Variants in RPS6KC1 observed in about 807,000 individuals in gnomAD.
The protein encoded by RPS6KC1 is inactive ribosomal protein S6 kinase delta-1.
Under a neutral mutation model 103.8 loss-of-function variants are expected in RPS6KC1, and 54 were observed. That is an observed-to-expected ratio of 0.52 (90% confidence interval 0.42 to 0.65). The LOEUF is 0.65. Among genes scored for constraint, RPS6KC1 ranks in the 30% least tolerant of loss-of-function variants. The probability of loss-of-function intolerance (pLI) is 0.00; values close to 1 mark genes in which losing one functional copy is unlikely to be tolerated. For synonymous variants in RPS6KC1, 439 were observed against 438.7 expected (o/e 1.00, Z -0.01); for missense variants, 1,151 against 1,253.8 (o/e 0.92, Z 1.24).
intron 4 of RPS6KC1, among the ~76,000 whole-genome samples, chr1:213,105,216 GTT>G (rs79795539): frequency 0.053 from 6,975 of 131,144 alleles, 175 homozygotes; most frequent in Middle Eastern, 0.078. Flanking sequence ...TTCATTTTAA[GTT>G]TTTTTTTTTT....
the RPS6KC1 span, among the ~76,000 whole-genome samples, chr1:213,450,774 G>A: frequency 4.6e-5 from 7 of 152,116 alleles, no homozygotes; most frequent in East Asian, 1.9e-4. Context: ...TCAGGAGTTC[G>A]AGACCAGCCT....
At chr1:213,584,007 C>T in the RPS6KC1 span, among the ~76,000 whole-genome samples, 1 of 152,048 alleles carries the variant, frequency 6.6e-6, no homozygotes. Context: ...ATAATTCCCA[C>T]GTGCTGTGGA....
the RPS6KC1 span, among the ~76,000 whole-genome samples, chr1:213,637,507 T>G: frequency 3.9e-5 from 6 of 152,142 alleles, no homozygotes; most frequent in Non-Finnish European, 7.3e-5. Context: ...ATGGCACATG[T>G]ATACCTATGT....
chr1:213,812,145 TAAG>T, the RPS6KC1 span, among the ~76,000 whole-genome samples: 1 of 149,472 alleles, frequency 6.7e-6, no homozygotes, highest in African/African-American at 2.5e-5. Flanking sequence ...CTCAAGAAAT[TAAG>T]AAAAAAGGAA....
chr1:213,533,299 G>T, the RPS6KC1 span, among the ~76,000 whole-genome samples: 1 of 152,140 alleles, frequency 6.6e-6, no homozygotes, highest in Non-Finnish European at 1.5e-5. Context: ...AGAGGGAGGA[G>T]CAAAAGAAGA....
chr1:213,846,012 G>A, the RPS6KC1 span, among the ~76,000 whole-genome samples: 583 of 151,902 alleles, frequency 3.8e-3, no homozygotes, highest in African/African-American at 0.013. Flanking sequence ...AAAAGGGCAG[G>A]CCGGGCGGGG....
the RPS6KC1 span, among the ~76,000 whole-genome samples, chr1:213,586,705 C>T: frequency 2.0e-5 from 3 of 152,176 alleles, no homozygotes; most frequent in African/African-American, 7.2e-5. Context: ...CCCCTCCCAC[C>T]TCCTTTGGCC....
the RPS6KC1 span, among the ~76,000 whole-genome samples, chr1:213,388,365 C>T: frequency 1.1e-4 from 17 of 152,184 alleles, no homozygotes; most frequent in Admixed American, 8.5e-4. Context: ...GGGCTGCTAC[C>T]GCTTGAGGTG....
chr1:213,304,155 G>A, the RPS6KC1 span, among the ~76,000 whole-genome samples: 2 of 139,970 alleles, frequency 1.4e-5, no homozygotes, highest in Non-Finnish European at 3.0e-5. Flanking sequence ...GCAGTGAGCC[G>A]AGATCCCGCC....
At chr1:213,427,927 T>C in the RPS6KC1 span, among the ~76,000 whole-genome samples, 1 of 152,208 alleles carries the variant, frequency 6.6e-6, no homozygotes, top group South Asian at 2.1e-4. Flanking sequence ...TCCAACAACA[T>C]CCAGGGACTG....
chr1:213,602,537 G>A, the RPS6KC1 span, among the ~76,000 whole-genome samples: 373 of 152,046 alleles, frequency 2.5e-3, 1 homozygote, highest in Non-Finnish European at 4.6e-3. Context: ...CCGGCCTGGT[G>A]TTTCTAACAT....
chr1:213,392,842 T>A, the RPS6KC1 span, among the ~76,000 whole-genome samples: 1 of 152,228 alleles, frequency 6.6e-6, no homozygotes. Context: ...ATTTAACTGA[T>A]ATTTATTTGG....
the RPS6KC1 span, among the ~76,000 whole-genome samples, chr1:213,740,697 T>C: frequency 6.7e-6 from 1 of 150,106 alleles, no homozygotes; most frequent in Non-Finnish European, 1.5e-5. Context: ...TATGTACACA[T>C]ATATACATCT....
chr1:213,588,190 C>T, the RPS6KC1 span, among the ~76,000 whole-genome samples: 7 of 152,116 alleles, frequency 4.6e-5, no homozygotes, highest in Admixed American at 4.6e-4. Context: ...ATCCTGCTAC[C>T]TCAACCTCCT....
chr1:213,137,696 CTGTTT>C (rs1309834507), intron 6 of RPS6KC1, among the ~76,000 whole-genome samples: 2 of 140,436 alleles, frequency 1.4e-5, no homozygotes, highest in East Asian at 2.1e-4. Context: ...CTTCCTTTTT[CTGTTT>C]TGTTTGTTTG....
chr1:213,051,350 C>G lies in RPS6KC1; in HGVS notation c.-55C>G. The G allele has an allele frequency of 5.6e-6, 8 of 1,421,624 alleles. No homozygotes were observed. Among genetic ancestry groups the G allele is most frequent in the South Asian group, 1.2e-5 (1 of 85,838 alleles). The allele number at this position is 1,421,624 out of a possible 1,614,324, so 88.1% of individuals were successfully genotyped here. On this transcript the variant is annotated 5_prime_UTR_variant, in exon 1 of 15. Transcript: ENST00000366960. ...TGGGGAACCTGGACCGCGGCGGCGC[C>G]GGGTTTCCCTCATGATCCCGGGCGG...
At chr1:213,619,844 A>G in the RPS6KC1 span, among the ~76,000 whole-genome samples, 1 of 152,252 alleles carries the variant, frequency 6.6e-6, no homozygotes, top group South Asian at 2.1e-4. Context: ...AGGTAAAAGA[A>G]TCTGAAAAAT....
intron 6 of RPS6KC1, among the ~76,000 whole-genome samples, chr1:213,158,725 T>C (rs910307007): frequency 5.9e-5 from 9 of 152,088 alleles, no homozygotes; most frequent in African/African-American, 2.2e-4. Flanking sequence ...TTCCTGAGAG[T>C]TGTTTATTAC....
At chr1:213,807,547 T>C in the RPS6KC1 span, among the ~76,000 whole-genome samples, 8 of 152,242 alleles carry the variant, frequency 5.3e-5, no homozygotes, top group Non-Finnish European at 1.0e-4. Flanking sequence ...CCATCACTGA[T>C]ACCTTTTCTT....
Sources: allele counts gnomAD v4.1 joint callset (sites outside exome capture counted in the v4.1 genomes callset), GRCh38; gene constraint gnomAD v4.1.1; transcripts MANE v1.5; gene names NCBI Gene and HGNC (gene_info 2026-07-23, HGNC 2026-07-21).